The following ZDHHC11B variants were observed in gnomAD, a reference collection of about 807,000 sequenced individuals.
The protein encoded by ZDHHC11B is probable palmitoyltransferase ZDHHC11B.
In ZDHHC11B, 17 loss-of-function variants were observed where a neutral mutation model predicts 42.3. The observed-to-expected ratio is 0.40, with a 90% CI of 0.27 to 0.60. The LOEUF (loss-of-function observed/expected upper bound fraction) is 0.60. Among genes scored for constraint, ZDHHC11B ranks in the 20% least tolerant of loss-of-function variants. The pLI is 0.41. For missense variants in ZDHHC11B, 262 were observed against 463.2 expected (o/e 0.57, Z 3.99); for synonymous variants, 123 against 193.5 (o/e 0.64, Z 3.02).
chr5:725,213 C>G (rs1167382245), intron 12 of ZDHHC11B, among the ~76,000 whole-genome samples: 8 of 150,496 alleles, frequency 5.3e-5, no homozygotes, highest in Non-Finnish European at 8.9e-5. Flanking sequence ...CATCGGAGAA[C>G]CAGGAAGGGG....
At position 767,040 on chromosome 5, in the gene ZDHHC11B, T is replaced by A. The variant is rs571184319; in HGVS notation, c.1-121A>T. The A allele has an allele frequency of 2.4e-5, 30 of 1,246,690 alleles. No individual in the cohort carries two copies. In the South Asian group the frequency reaches 2.5e-4, roughly 10 times the overall value. The allele number at this position is 1,246,690 out of a possible 1,614,324, so 77.2% of individuals were successfully genotyped here. ...CCCCAGGACCAGCACTGACAGCCAATGGCCCAGCATTGCCTGGGGCCACGT... is the reference window on the plus strand; with the variant it reads ...CCCCAGGACCAGCACTGACAGCCAAAGGCCCAGCATTGCCTGGGGCCACGT... On this transcript the variant is annotated intron_variant, in intron 3 of 13. Coordinates refer to ENST00000508859, the MANE Select transcript of ZDHHC11B (RefSeq NM_001351303.2).
chr5:771,236 G>A (rs1331038314), intron 1 of ZDHHC11B, among the ~76,000 whole-genome samples: 10 of 151,934 alleles, frequency 6.6e-5, no homozygotes, highest in South Asian at 2.1e-4. Flanking sequence ...CTCTGTCATC[G>A]TGGGGGTCCT....
intron 9 of ZDHHC11B, among the ~76,000 whole-genome samples, chr5:742,926 T>G (rs570052942): frequency 6.7e-6 from 1 of 149,710 alleles, no homozygotes; most frequent in South Asian, 2.2e-4. Context: ...ATCACAGAGA[T>G]TTCATTCTAT....
chr5:717,690 C>G lies in ZDHHC11B; in HGVS notation c.1059-825G>C, dbSNP rs572795447. 2.6e-5 allele frequency among the ~76,000 whole-genome samples: 4 copies of G among 151,906 alleles called. No homozygotes were observed. In the East Asian group the frequency reaches 7.7e-4, roughly 29 times the overall value. ...AGCAAGAGGGAAACCTTTCTTGGAT[C>G]AGAAATGATGACTCCTAGGAGGAAA... is the stretch of plus-strand genomic sequence containing the variant. On this transcript the variant is annotated intron_variant, in intron 12 of 13. Transcript: ENST00000508859.
chr5:769,797 G>C (rs763210852), intron 1 of ZDHHC11B, among the ~76,000 whole-genome samples: 2 of 151,958 alleles, frequency 1.3e-5, no homozygotes, highest in Non-Finnish European at 2.9e-5. Context: ...GATTCAAGGA[G>C]CAGGGTGGGC....
At chr5:732,855 C>A (rs1390984791) in intron 11 of ZDHHC11B, among the ~76,000 whole-genome samples, 1 of 151,826 alleles carries the variant, frequency 6.6e-6, no homozygotes, top group Non-Finnish European at 1.5e-5. Flanking sequence ...CCAAACAAGC[C>A]TGGACAAGAG....
At chr5:735,995 C>CT (rs1743472407) in intron 10 of ZDHHC11B, among the ~76,000 whole-genome samples, 1 of 149,652 alleles carries the variant, frequency 6.7e-6, no homozygotes, top group South Asian at 2.2e-4. Flanking sequence ...TGTAAATGGC[C>CT]TATAAGCACC....
intron 1 of ZDHHC11B, among the ~76,000 whole-genome samples, chr5:784,356 GA>G (rs1737096600): frequency 6.6e-6 from 1 of 151,978 alleles, no homozygotes; most frequent in Non-Finnish European, 1.5e-5. Context: ...TGGCCGCGAA[GA>G]AAGGCCAAAG....
At chr5:736,548 C>T (rs1159950232) in intron 10 of ZDHHC11B, among the ~76,000 whole-genome samples, 1 of 148,484 alleles carries the variant, frequency 6.7e-6, no homozygotes, top group Non-Finnish European at 1.5e-5. Flanking sequence ...GAAAATTCTC[C>T]AAGATACATC....
chr5:776,945 G>A lies in ZDHHC11B; in HGVS notation c.-230+7723C>T, dbSNP rs72503644. On this transcript the variant is annotated intron_variant, in intron 1 of 13. Coordinates refer to ENST00000508859, the MANE Select transcript of ZDHHC11B (RefSeq NM_001351303.2). ...CGCCCCACTCTTCTCAGCCCAGGCC[G>A]CCTGTCAGGCAGGCAGAGCTCCCAA... Among the ~76,000 whole-genome samples the A allele has an allele frequency of 5.2e-3, 787 of 151,582 alleles. 4 individuals are homozygous for A. In the East Asian group the frequency reaches 0.11, roughly 22 times the overall value.
chr5:767,042 G>T, intron 3 of ZDHHC11B, 123 bp from the exon 4 acceptor site: 1 of 1,223,544 alleles, frequency 8.2e-7, no homozygotes, highest in Non-Finnish European at 1.2e-6. Flanking sequence ...ACAGCCAATG[G>T]CCCAGCATTG....
intron 12 of ZDHHC11B, among the ~76,000 whole-genome samples, chr5:724,680 C>G (rs2126979568): frequency 6.6e-6 from 1 of 150,626 alleles, no homozygotes; most frequent in East Asian, 2.0e-4. Context: ...CACACACACA[C>G]ACACACACAG....
At chr5:759,429 C>T (rs1330499715) in intron 4 of ZDHHC11B, among the ~76,000 whole-genome samples, 2 of 151,954 alleles carry the variant, frequency 1.3e-5, no homozygotes, top group African/African-American at 4.8e-5. Context: ...CCACTGAAGG[C>T]GCCGCGCCAC....
chr5:757,414 C>G (rs1310252794), intron 4 of ZDHHC11B, among the ~76,000 whole-genome samples: 5 of 151,946 alleles, frequency 3.3e-5, no homozygotes, highest in African/African-American at 1.2e-4. Flanking sequence ...GGGCTGCTGT[C>G]CCTCCTGACA....
intron 1 of ZDHHC11B, among the ~76,000 whole-genome samples, chr5:775,672 G>C (rs993873680): frequency 6.6e-6 from 1 of 151,822 alleles, no homozygotes; most frequent in Admixed American, 6.6e-5. Context: ...CTGGGGCCTG[G>C]GTGGGAGCTG....
intron 4 of ZDHHC11B, among the ~76,000 whole-genome samples, chr5:766,474 A>C (rs1735393217): frequency 6.6e-6 from 1 of 151,844 alleles, no homozygotes; most frequent in African/African-American, 2.4e-5. Flanking sequence ...TGGGCCACGC[A>C]GGAATGGCCT....
At chr5:756,254 C>G (rs1733812098) in intron 4 of ZDHHC11B, 110 bp from the exon 5 acceptor site, 2 of 1,479,474 alleles carry the variant, frequency 1.4e-6, no homozygotes, top group Admixed American at 2.1e-5. Flanking sequence ...GCCCTGCTCA[C>G]CCAGCCCTGC....
At chr5:778,047 C>T (rs957718890) in intron 1 of ZDHHC11B, among the ~76,000 whole-genome samples, 3 of 151,946 alleles carry the variant, frequency 2.0e-5, no homozygotes, top group South Asian at 2.1e-4. Context: ...GGCGCACCTC[C>T]GCAGCCACCG....
chr5:780,358 A>C (rs1736871619), intron 1 of ZDHHC11B, among the ~76,000 whole-genome samples: 1 of 150,670 alleles, frequency 6.6e-6, no homozygotes, highest in Non-Finnish European at 1.5e-5. Context: ...TGCTGACAGT[A>C]TGGTGGTCTC....
Sources: allele counts gnomAD v4.1 joint callset (sites outside exome capture counted in the v4.1 genomes callset), GRCh38; gene constraint gnomAD v4.1.1; transcripts MANE v1.5; gene names NCBI Gene and HGNC (gene_info 2026-07-23, HGNC 2026-07-21).